Variants in C10orf90 observed in about 807,000 individuals in gnomAD.
C10orf90 encodes (E2-independent) E3 ubiquitin-conjugating enzyme FATS.
A neutral mutation model predicts 62.5 loss-of-function variants in C10orf90; 56 were observed. That is an observed-to-expected ratio of 0.90 (90% CI 0.72 to 1.12). The LOEUF is 1.12. Ranked by LOEUF, C10orf90 falls within the 50% of genes most tolerant of loss-of-function variation. C10orf90 has a pLI of 0.00. For missense variants in C10orf90, 970 were observed against 880.4 expected (o/e 1.10, Z -1.29); for synonymous variants, 386 against 340.4 (o/e 1.13, Z -1.47).
intron 2 of C10orf90, among the ~76,000 whole-genome samples, chr10:126,645,402 T>C (rs965852666): frequency 7.8e-6 from 1 of 128,122 alleles, no homozygotes; most frequent in African/African-American, 2.9e-5. Flanking sequence ...ATCCCCTCTC[T>C]ACCAAACAAA....
intron 2 of C10orf90, among the ~76,000 whole-genome samples, chr10:126,581,362 C>T (rs909422581): frequency 5.3e-5 from 8 of 152,208 alleles, no homozygotes; most frequent in Non-Finnish European, 8.8e-5. Flanking sequence ...CCTAGGAACA[C>T]ATCATTGATC....
In C10orf90 at chr10:126,539,106, C is replaced by T. The variant is rs570183246; in HGVS notation, c.314-25167G>A. Among the ~76,000 whole-genome samples, 3 of 152,334 alleles carry T rather than the reference C, an allele frequency of 2.0e-5. No individual in the cohort carries two copies. In the South Asian group the frequency reaches 6.2e-4, roughly 32 times the overall value. ...CTGGAGGCAGCCCCCACAGTCCCCA[C>T]AGTCCCAGCTCAGAGCAAGACAGCA... On this transcript the variant is annotated intron_variant, in intron 2 of 9. Coordinates refer to ENST00000488181, the MANE Select transcript of C10orf90 (RefSeq NM_001350921.2).
intron 2 of C10orf90, among the ~76,000 whole-genome samples, chr10:126,578,700 T>C (rs1284741465): frequency 6.6e-6 from 1 of 152,170 alleles, no homozygotes; most frequent in Non-Finnish European, 1.5e-5. Flanking sequence ...AAACTAGAAA[T>C]TATTCAAATG....
chr10:126,635,605 A>C (rs953167335), intron 2 of C10orf90, among the ~76,000 whole-genome samples: 2 of 152,192 alleles, frequency 1.3e-5, no homozygotes, highest in Non-Finnish European at 2.9e-5. Context: ...CTCAATATTC[A>C]ATGAGAAAGC....
intron 2 of C10orf90, among the ~76,000 whole-genome samples, chr10:126,526,401 C>G (rs1393841551): frequency 6.6e-6 from 1 of 152,024 alleles, no homozygotes; most frequent in Non-Finnish European, 1.5e-5. Flanking sequence ...CCCACCACCA[C>G]ACCCGGCTAA....
chr10:126,503,607 C>T (rs186165221), intron 4 of C10orf90, among the ~76,000 whole-genome samples: 4 of 152,192 alleles, frequency 2.6e-5, no homozygotes, highest in East Asian at 3.9e-4. Context: ...CATCTGGGGG[C>T]GAATGGCATT....
chr10:126,664,871 GGCA>G, intron 1 of C10orf90, among the ~76,000 whole-genome samples: 1 of 152,330 alleles, frequency 6.6e-6, no homozygotes, highest in Non-Finnish European at 1.5e-5. Flanking sequence ...CCCTCTGACA[GGCA>G]GCTCCAGTTG....
intron 2 of C10orf90, among the ~76,000 whole-genome samples, chr10:126,542,477 TGG>T (rs1864398807): frequency 6.6e-6 from 1 of 152,046 alleles, no homozygotes; most frequent in South Asian, 2.1e-4. Context: ...CACTCCAGCC[TGG>T]GCGACAGAGC....
At chr10:126,462,599 C>T (rs1371366227) in intron 5 of C10orf90, among the ~76,000 whole-genome samples, 1 of 152,174 alleles carries the variant, frequency 6.6e-6, no homozygotes, top group Non-Finnish European at 1.5e-5. Context: ...GCCTATGACT[C>T]CGTCGAGGGC....
intron 4 of C10orf90, among the ~76,000 whole-genome samples, chr10:126,471,045 GC>G (rs1860559824): frequency 3.3e-5 from 5 of 152,294 alleles, no homozygotes; most frequent in Admixed American, 3.3e-4. Flanking sequence ...TGGCATTGCA[GC>G]CCAGGAAGGG....
chr10:126,557,005 C>T (rs903500097), intron 2 of C10orf90, among the ~76,000 whole-genome samples: 1 of 88,458 alleles, frequency 1.1e-5, no homozygotes, highest in Non-Finnish European at 2.2e-5. Flanking sequence ...TGCAATTAAT[C>T]AATTTAAAAA....
At chr10:126,645,523 A>G (rs1217941101) in intron 2 of C10orf90, among the ~76,000 whole-genome samples, 1 of 151,716 alleles carries the variant, frequency 6.6e-6, no homozygotes, top group East Asian at 1.9e-4. Flanking sequence ...CCAGGAGTTC[A>G]AAGCTGCAGT....
intron 2 of C10orf90, among the ~76,000 whole-genome samples, chr10:126,529,538 A>G (rs1864038694): frequency 6.6e-6 from 1 of 151,954 alleles, no homozygotes; most frequent in South Asian, 2.1e-4. Flanking sequence ...GAGAAAGAAC[A>G]GCAACTCAAT....
chr10:126,437,882 G>A (rs369265934), intron 7 of C10orf90, among the ~76,000 whole-genome samples: 4 of 152,214 alleles, frequency 2.6e-5, no homozygotes, highest in African/African-American at 9.6e-5. Flanking sequence ...AGGCCAGCCT[G>A]TGTCCTTGTT....
intron 2 of C10orf90, among the ~76,000 whole-genome samples, chr10:126,598,638 C>T (rs986889811): frequency 2.6e-5 from 4 of 152,104 alleles, no homozygotes; most frequent in South Asian, 4.1e-4. Flanking sequence ...TGGAGTACAC[C>T]GTTTCACTTG....
intron 2 of C10orf90, chr10:126,524,608 GCATGA>G (rs766037082): frequency 2.0e-6 from 2 of 985,064 alleles, no homozygotes; most frequent in Non-Finnish European, 2.4e-6. Flanking sequence ...GTAGGACACA[GCATGA>G]TATGCTGGGA....
intron 4 of C10orf90, among the ~76,000 whole-genome samples, chr10:126,468,722 C>A (rs528441300): frequency 2.6e-5 from 4 of 152,152 alleles, no homozygotes; most frequent in Non-Finnish European, 4.4e-5. Flanking sequence ...CCATGCAGGG[C>A]AGGGACTGGG....
intron 2 of C10orf90, among the ~76,000 whole-genome samples, chr10:126,561,046 A>G (rs546279254): frequency 1.5e-4 from 23 of 152,268 alleles, no homozygotes; most frequent in African/African-American, 5.5e-4. Flanking sequence ...CTCACAGGTA[A>G]TTTAAGACAC....
At chr10:126,661,155 A>C (rs1052954469) in intron 1 of C10orf90, among the ~76,000 whole-genome samples, 3 of 152,180 alleles carry the variant, frequency 2.0e-5, no homozygotes, top group Non-Finnish European at 2.9e-5. Flanking sequence ...GCATCCATAA[A>C]GTACTAGTTA....
Sources: allele counts gnomAD v4.1 joint callset (sites outside exome capture counted in the v4.1 genomes callset), GRCh38; gene constraint gnomAD v4.1.1; transcripts MANE v1.5; gene names NCBI Gene and HGNC (gene_info 2026-07-23, HGNC 2026-07-21).